Variants in RAP1B observed in about 807,000 individuals in gnomAD.
RAP1B encodes ras-related protein Rap-1b.
RAP1B carries 1 observed loss-of-function variant against 27.5 expected under a neutral mutation model. The observed-to-expected ratio is 0.04, with a 90% CI of 0.01 to 0.17. The LOEUF (loss-of-function observed/expected upper bound fraction) is 0.17, where lower values mean the gene tolerates loss of function less well. Among genes scored for constraint, RAP1B ranks in the 10% least tolerant of loss-of-function variants. RAP1B has a pLI of 1.00. For missense variants in RAP1B, 84 were observed against 214.8 expected (o/e 0.39, Z 3.81); for synonymous variants, 75 against 73.1 (o/e 1.03, Z -0.13).
intron 5 of RAP1B, 61 bp downstream of exon 5, chr12:68,654,313 C>T (rs1293031953): frequency 3.7e-5 from 35 of 937,884 alleles, no homozygotes; most frequent in Middle Eastern, 2.9e-4. Flanking sequence ...TTGTTTAAGT[C>T]TAAATTTAAA....
At chr12:68,641,412 G>T (rs1872994808) in intron 1 of RAP1B, among the ~76,000 whole-genome samples, 2 of 152,194 alleles carry the variant, frequency 1.3e-5, no homozygotes, top group Admixed American at 1.3e-4. Context: ...TGTCTTTGCT[G>T]TGGTTTGCTC....
chr12:68,651,591 T>G, intron 3 of RAP1B: 1 of 169,990 alleles, frequency 5.9e-6, no homozygotes, highest in South Asian at 1.4e-4. Flanking sequence ...TATAGTTACC[T>G]AGAGAAATGA....
At chr12:68,626,796 GT>G in intron 1 of RAP1B, 1 of 1,339,482 alleles carries the variant, frequency 7.5e-7, no homozygotes. Flanking sequence ...TTGTTTGTTT[GT>G]TTGTTTGTTT....
At chr12:68,644,819 A>T (rs969493187) in intron 1 of RAP1B, among the ~76,000 whole-genome samples, 2 of 150,548 alleles carry the variant, frequency 1.3e-5, no homozygotes, top group African/African-American at 4.9e-5. Context: ...CTTCCGAGTA[A>T]GTAGGATTAC....
intron 1 of RAP1B, among the ~76,000 whole-genome samples, chr12:68,620,649 TGA>T (rs998740722): frequency 2.4e-4 from 36 of 152,046 alleles, no homozygotes; most frequent in Admixed American, 1.1e-3. Context: ...CATCTAGGCT[TGA>T]GTGCAGTGTC....
At chr12:68,656,597 CTATG>C (rs989065812) in intron 6 of RAP1B, 148 bp downstream of exon 6, 14 of 718,604 alleles carry the variant, frequency 1.9e-5, no homozygotes, top group Admixed American at 2.8e-5. Context: ...TTAAATGTAT[CTATG>C]TAGTAAATAA....
At chr12:68,624,482 T>G (rs752857871) in intron 1 of RAP1B, 4 of 152,154 alleles carry the variant, frequency 2.6e-5, no homozygotes, top group Admixed American at 2.0e-4. Flanking sequence ...ATAGGACTAA[T>G]GTAATCCTCA....
At chr12:68,631,323 G>A (rs1011276288) in intron 1 of RAP1B, among the ~76,000 whole-genome samples, 7 of 151,268 alleles carry the variant, frequency 4.6e-5, no homozygotes, top group African/African-American at 1.7e-4. Context: ...TTTGTTTTTC[G>A]CCAAAAAATT....
chr12:68,648,884 A>G (rs1873613463), intron 2 of RAP1B, 103 bp downstream of exon 2: 1 of 1,039,534 alleles, frequency 9.6e-7, no homozygotes, highest in Non-Finnish European at 1.4e-6. Context: ...AAATTCCTTA[A>G]TGACTTTAGA....
chr12:68,637,223 C>T (rs565982729), intron 1 of RAP1B, among the ~76,000 whole-genome samples: 8 of 152,226 alleles, frequency 5.3e-5, no homozygotes, highest in African/African-American at 7.2e-5. Flanking sequence ...ACATGTAAAT[C>T]TTTAATAAAC....
chr12:68,652,539 G>C (rs1052529559), intron 4 of RAP1B, among the ~76,000 whole-genome samples: 1 of 152,054 alleles, frequency 6.6e-6, no homozygotes, highest in Admixed American at 6.5e-5. Context: ...TATTGGCCGG[G>C]CGCAGTGGCT....
At chr12:68,611,957 A>G (rs1870631014) in intron 1 of RAP1B, among the ~76,000 whole-genome samples, 1 of 152,176 alleles carries the variant, frequency 6.6e-6, no homozygotes, top group South Asian at 2.1e-4. Context: ...CATTTTTGCA[A>G]GTTAAAGCAG....
intron 1 of RAP1B, among the ~76,000 whole-genome samples, chr12:68,616,254 G>A (rs1475222673): frequency 1.3e-5 from 2 of 151,336 alleles, no homozygotes; most frequent in African/African-American, 2.4e-5. Context: ...GAGCCACTGT[G>A]CCCGGCCTTT....
intron 1 of RAP1B, among the ~76,000 whole-genome samples, chr12:68,621,128 A>G (rs1181311381): frequency 1.3e-5 from 2 of 152,208 alleles, no homozygotes; most frequent in Admixed American, 1.3e-4. Flanking sequence ...GGGAAGGAAT[A>G]CATGTGAAAA....
chr12:68,651,304 C>T (rs1358349809), intron 3 of RAP1B, among the ~76,000 whole-genome samples: 2 of 150,978 alleles, frequency 1.3e-5, no homozygotes, highest in East Asian at 3.9e-4. Flanking sequence ...ATTTCCCAAC[C>T]TCTATGAAGC....
chr12:68,637,736 T>A (rs1392997310), intron 1 of RAP1B, among the ~76,000 whole-genome samples: 1 of 151,464 alleles, frequency 6.6e-6, no homozygotes, highest in Non-Finnish European at 1.5e-5. Context: ...GCTCCAAAGA[T>A]GATACAGTAT....
intron 1 of RAP1B, among the ~76,000 whole-genome samples, chr12:68,631,325 CA>C (rs1475002194): frequency 1.3e-5 from 2 of 151,884 alleles, no homozygotes; most frequent in East Asian, 3.8e-4. Context: ...TGTTTTTCGC[CA>C]AAAAATTACC....
intron 5 of RAP1B, among the ~76,000 whole-genome samples, chr12:68,655,783 G>T (rs1236552863): frequency 6.6e-6 from 1 of 152,058 alleles, no homozygotes; most frequent in East Asian, 1.9e-4. Flanking sequence ...TGATCCACCC[G>T]CCTCGGCCTC....
chr12:68,612,798 T>G (rs950622464), intron 1 of RAP1B, among the ~76,000 whole-genome samples: 2 of 152,030 alleles, frequency 1.3e-5, no homozygotes, highest in African/African-American at 4.8e-5. Context: ...GTGTACTACG[T>G]TAGGTGTTTT....
Sources: gnomAD v4.1 joint callset for allele counts (sites outside exome capture counted in the v4.1 genomes callset) on GRCh38, gnomAD v4.1.1 for gene constraint, MANE v1.5 for transcripts, NCBI Gene and HGNC (gene_info 2026-07-23, HGNC 2026-07-21) for gene names.